TMEM43: variants seen among roughly 807,000 people sequenced by gnomAD.
TMEM43 encodes arrhythmogenic right ventricular dysplasia 5.
A neutral mutation model predicts 49.6 loss-of-function variants in TMEM43; 45 were observed. That is an observed-to-expected ratio of 0.91 (90% CI 0.71 to 1.16). The LOEUF (loss-of-function observed/expected upper bound fraction) is 1.16, where lower values mean the gene tolerates loss of function less well. TMEM43 is among the 50% of genes most tolerant of loss of function. The pLI is 0.00. For synonymous variants in TMEM43, 199 were observed against 207.8 expected (o/e 0.96, Z 0.36); for missense variants, 532 against 516.6 (o/e 1.03, Z -0.29).
Position 14,134,946 on chromosome 3 carries a change from G to A in TMEM43, c.705+55G>A, listed in dbSNP as rs6766740. The A allele has an allele frequency of 0.3, 475,782 of 1,610,924 alleles. 71,927 individuals carry two copies. Among genetic ancestry groups the A allele is most frequent in the Admixed American group, 0.39 (23,221 of 59,844 alleles). ...AGGAGGGTCAGGGCGCTAGGATCAGGTTCCTGCGCCAGGCAGATTCAGTTC... is the reference window on the plus strand; with the variant it reads ...AGGAGGGTCAGGGCGCTAGGATCAGATTCCTGCGCCAGGCAGATTCAGTTC... On this transcript the variant is annotated intron_variant, in intron 8 of 11. Transcript: ENST00000306077.
At position 14,142,045 on chromosome 3, in the gene TMEM43, C is replaced by A; in HGVS notation, c.*250C>A. On this transcript the variant is annotated 3_prime_UTR_variant, in exon 12 of 12. Coordinates refer to ENST00000306077, the MANE Select transcript of TMEM43 (RefSeq NM_024334.3). Reference sequence around the variant, plus strand: ...CAGCAGCTCATGAATGGCAAGCTGACAGCTTCTCCTGCTGTTTCCTTCCTC... The same window carrying A: ...CAGCAGCTCATGAATGGCAAGCTGAAAGCTTCTCCTGCTGTTTCCTTCCTC... The A allele has an allele frequency of 1.8e-6, 1 of 557,890 alleles. No homozygotes were observed. The highest frequency in any genetic ancestry group is 3.2e-6 in the Non-Finnish European group (1 of 310,416). 34.6% of individuals were successfully genotyped at this position (557,890 alleles called of 1,614,324 possible).
At position 14,130,881 on chromosome 3, in the gene TMEM43, C is replaced by T. The variant is rs34099410; in HGVS notation, c.222C>T (p.Pro74=). The T allele has an allele frequency of 0.011, 17,988 of 1,613,732 alleles. 141 individuals carry two copies. The highest frequency in any genetic ancestry group is 0.014 in the Non-Finnish European group (16,212 of 1,179,784). Reference sequence around the variant, plus strand: ...AGGGGCTCTCGCTTGTGGTGTCTCCCGACAGCATCCACAGTGTGGCTCCGG... The same window carrying T: ...AGGGGCTCTCGCTTGTGGTGTCTCCTGACAGCATCCACAGTGTGGCTCCGG... ...LAEGLSLVVS[P]DSIHSVAPEN... is the part of the protein sequence containing the mutation. Residue 74 remains proline (P), a synonymous_variant, in exon 3 of 12, where the codon CCC becomes CCT. Transcript: ENST00000306077.
rs376194839 is a variant in TMEM43 at position 14,132,501 on chromosome 3, G to A, written c.393-45G>A. On this transcript the variant is annotated intron_variant, in intron 4 of 11. Coordinates refer to ENST00000306077, the MANE Select transcript of TMEM43 (RefSeq NM_024334.3). ...CAGATGCTTAGAGATTAGACTGCCT[G>A]GGGCGACGAGGCTAACCCCCGTGGC... is the stretch of plus-strand genomic sequence containing the variant. The A allele has an allele frequency of 1.1e-5, 18 of 1,611,032 alleles. No individual in the cohort carries two copies. In the African/African-American group the frequency reaches 2.4e-4, roughly 22 times the overall value.
chr3:14,139,672 C>T (rs1172848915), intron 11 of TMEM43, among the ~76,000 whole-genome samples: 1 of 152,240 alleles, frequency 6.6e-6, no homozygotes, highest in African/African-American at 2.4e-5. Context: ...GGATGCTTGG[C>T]CGTTCCCTTC....
chr3:14,128,238 C>T (rs941592898), intron 1 of TMEM43, among the ~76,000 whole-genome samples: 1 of 152,124 alleles, frequency 6.6e-6, no homozygotes, highest in African/African-American at 2.4e-5. Flanking sequence ...AGTGGATGCA[C>T]CCCAAATCAT....
At chr3:14,129,675 G>T (rs1695067313) in intron 2 of TMEM43, 114 bp downstream of exon 2, 2 of 1,161,350 alleles carry the variant, frequency 1.7e-6, no homozygotes, top group African/African-American at 1.5e-5. Context: ...TTTAAAAAGA[G>T]AAAGGAGGAT....
In TMEM43 at chr3:14,141,769, C is replaced by G; in HGVS notation, c.1177C>G (p.Arg393Gly). 6.2e-7 allele frequency: 1 copy of G among 1,613,812 alleles called. No homozygotes were observed. The highest frequency in any genetic ancestry group is 8.5e-7 in the Non-Finnish European group (1 of 1,180,008). The change falls in exon 12 of 12, where the codon CGG (arginine) becomes GGG (glycine). Residue 393 changes from arginine (R) to glycine (G), a missense_variant. Physicochemically the swap from Arg to Gly is moderately radical, Grantham distance 125 (BLOSUM62 -2). Coordinates refer to ENST00000306077, the MANE Select transcript of TMEM43 (RefSeq NM_024334.3). Reference sequence around the variant, plus strand: ...TGTGCCCATCCTTGTTGCTCGGACACGGGTGCCAGCCAAAAAGTTGGAGTG... The same window carrying G: ...TGTGCCCATCCTTGTTGCTCGGACAGGGGTGCCAGCCAAAAAGTTGGAGTG... The part of the protein sequence containing the change: ...ALVPILVART[R>G]VPAKKLE
intron 10 of TMEM43, among the ~76,000 whole-genome samples, chr3:14,138,449 A>G (rs1166748789): frequency 6.6e-6 from 1 of 152,062 alleles, no homozygotes; most frequent in African/African-American, 2.4e-5. Flanking sequence ...ATGGGGTGGT[A>G]GGGGAGGAGC....
chr3:14,142,950 G>T lies in TMEM43; in HGVS notation c.*1155G>T, dbSNP rs1695271918. 1 of 152,218 alleles carries T rather than the reference G, an allele frequency of 6.6e-6. No homozygotes were observed. The highest frequency in any genetic ancestry group is 6.5e-5 in the Admixed American group (1 of 15,276). 9.4% of individuals were successfully genotyped at this position (152,218 alleles called of 1,614,324 possible). Reference sequence around the variant, plus strand: ...AATCAAGAACTGAGGCCTGAGGCTGGTTGTACAATGCCCACGCCTGCCTGG... The same window carrying T: ...AATCAAGAACTGAGGCCTGAGGCTGTTTGTACAATGCCCACGCCTGCCTGG... On this transcript the variant is annotated 3_prime_UTR_variant, in exon 12 of 12. Coordinates refer to ENST00000306077, the MANE Select transcript of TMEM43 (RefSeq NM_024334.3).
In TMEM43 at chr3:14,142,589, G is replaced by C. The variant is rs1383583128; in HGVS notation, c.*794G>C. 2 of 152,632 alleles carry C rather than the reference G, an allele frequency of 1.3e-5. No homozygotes were observed. Among genetic ancestry groups the C allele is most frequent in the Non-Finnish European group, 2.9e-5 (2 of 68,056 alleles). 9.5% of individuals were successfully genotyped at this position (152,632 alleles called of 1,614,324 possible). A position where few individuals can be genotyped will look rare whatever the true frequency, so the allele number is the denominator to read the frequency against. ...AACAAAAAAAACACTTAATATTTCA[G>C]ACTGTTACAGGAAACACCCTTTAGT... On this transcript the variant is annotated 3_prime_UTR_variant, in exon 12 of 12. Transcript: ENST00000306077.
In TMEM43 at chr3:14,141,999, G is replaced by A. The variant is rs3814414; in HGVS notation, c.*204G>A. ...GTCTTCCCCACATCTCTTCTTGCCA[G>A]TAAGCAGCTTTGGTGGGCAGCAGCA... On this transcript the variant is annotated 3_prime_UTR_variant, in exon 12 of 12. Coordinates refer to ENST00000306077, the MANE Select transcript of TMEM43 (RefSeq NM_024334.3). The A allele has an allele frequency of 2.6e-4, 155 of 599,708 alleles. 1 individual carries two copies. In the East Asian group the frequency reaches 4.2e-3, roughly 16 times the overall value. The allele number at this position is 599,708 out of a possible 1,614,324, so 37.1% of individuals were successfully genotyped here. A position where few individuals can be genotyped will look rare whatever the true frequency, so the allele number is the denominator to read the frequency against.
intron 1 of TMEM43, among the ~76,000 whole-genome samples, chr3:14,127,665 G>A (rs1374386082): frequency 2.0e-5 from 3 of 152,164 alleles, no homozygotes; most frequent in South Asian, 2.1e-4. Context: ...TGATAGACCC[G>A]GTGTGTTTGC....
At chr3:14,126,898 G>A (rs1355695157) in intron 1 of TMEM43, among the ~76,000 whole-genome samples, 1 of 152,190 alleles carries the variant, frequency 6.6e-6, no homozygotes, top group Non-Finnish European at 1.5e-5. Context: ...CTGTGGTGAA[G>A]GTACTATTCC....
intron 6 of TMEM43, 111 bp from the exon 7 acceptor site, chr3:14,133,628 T>C: frequency 3.1e-6 from 3 of 976,362 alleles, no homozygotes; most frequent in Non-Finnish European, 5.0e-6. Context: ...TGGGCTAATC[T>C]GGACTTGCAG....
intron 1 of TMEM43, among the ~76,000 whole-genome samples, 170 bp from the exon 2 acceptor site, chr3:14,129,242 G>A (rs1049502176): frequency 6.7e-5 from 9 of 133,992 alleles, no homozygotes; most frequent in African/African-American, 1.1e-4. Context: ...TGGAATATAC[G>A]TTTGTGGAAA....
intron 5 of TMEM43, 83 bp downstream of exon 5, chr3:14,132,678 C>A: frequency 6.5e-7 from 1 of 1,528,944 alleles, no homozygotes; most frequent in Non-Finnish European, 9.1e-7. Flanking sequence ...TTGGTGGGGC[C>A]ATGGGAAGGA....
chr3:14,132,539 C>T lies in TMEM43; in HGVS notation c.393-7C>T. On this transcript the variant is annotated splice_region_variant and splice_polypyrimidine_tract_variant and intron_variant, in intron 4 of 11. Transcript: ENST00000306077. ...TAACCCCCGTGGCTGCTTTGCTTTC[C>T]CTGCAGGGAGTACACCGAGGATGGG... 6.2e-7 allele frequency: 1 copy of T among 1,614,122 alleles called. No homozygotes were observed. The highest frequency in any genetic ancestry group is 8.5e-7 in the Non-Finnish European group (1 of 1,179,990).
In TMEM43 at chr3:14,134,827, C is replaced by G. The variant is rs943772506; in HGVS notation, c.641C>G (p.Pro214Arg). Residue 214 changes from proline to arginine, a missense_variant, in exon 8 of 12, where the codon CCT becomes CGT. Transcript: ENST00000306077. ...CTGAGCCTATCCAAGCTGGAGGACC[C>G]TCATGTGGACATCATTCGCCGTGGA... ...KSLSLSKLED[P>R]HVDIIRRGDF... 6.2e-7 allele frequency: 1 copy of G among 1,614,180 alleles called. No homozygotes were observed. The highest frequency in any genetic ancestry group is 8.5e-7 in the Non-Finnish European group (1 of 1,180,018).
Position 14,135,442 on chromosome 3 carries a change from A to G in TMEM43, c.780+210A>G, listed in dbSNP as rs575038330. ...CCATGGACCCCACGTTAAGAAGGGC[A>G]GCTCAAAAGGGGTCTCATAGTCGCA... On this transcript the variant is annotated intron_variant, in intron 9 of 11. Coordinates refer to ENST00000306077, the MANE Select transcript of TMEM43 (RefSeq NM_024334.3). Among the ~76,000 whole-genome samples, 36 of 152,284 alleles carry G rather than the reference A, an allele frequency of 2.4e-4. No homozygotes were observed. In the South Asian group the frequency reaches 6.6e-3, roughly 28 times the overall value.
Sources: gnomAD v4.1 joint callset for allele counts (sites outside exome capture counted in the v4.1 genomes callset) on GRCh38, gnomAD v4.1.1 for gene constraint, MANE v1.5 for transcripts, NCBI Gene and HGNC (gene_info 2026-07-23, HGNC 2026-07-21) for gene names.